The following FRMD4B variants were observed in gnomAD, a reference collection of about 807,000 sequenced individuals.
FRMD4B encodes the protein FERM domain-containing protein 4B.
Under a neutral mutation model 141.5 loss-of-function variants are expected in FRMD4B, and 74 were observed. That is an observed-to-expected ratio of 0.52 (90% CI 0.43 to 0.63). FRMD4B has a LOEUF of 0.63. Ranked by LOEUF, FRMD4B falls within the 30% of genes least tolerant of loss-of-function variation. The probability of loss-of-function intolerance (pLI) is 0.00; values close to 1 mark genes in which losing one functional copy is unlikely to be tolerated. For synonymous variants in FRMD4B, 506 were observed against 467.9 expected, an observed-to-expected ratio of 1.08 and a Z score of -1.05; for missense variants, 1,366 against 1,253.4, an observed-to-expected ratio of 1.09 and a Z score of -1.36.
intron 21 of FRMD4B, among the ~76,000 whole-genome samples, chr3:69,177,869 G>T (rs756996625): frequency 6.6e-6 from 1 of 152,068 alleles, no homozygotes; most frequent in Non-Finnish European, 1.5e-5. Flanking sequence ...AACACTGGCC[G>T]CTAGCAAGAT....
chr3:69,216,430 T>A, intron 10 of FRMD4B, 81 bp from the exon 11 acceptor site: 17 of 117,396 alleles, frequency 1.4e-4, no homozygotes, highest in Non-Finnish European at 3.1e-4. Flanking sequence ...ATTTCACCTC[T>A]TTTTTTTTTT....
intron 3 of FRMD4B, among the ~76,000 whole-genome samples, chr3:69,310,843 T>C (rs1041282447): frequency 6.6e-6 from 1 of 152,044 alleles, no homozygotes; most frequent in Admixed American, 6.6e-5. Context: ...TTAAACTATA[T>C]ACATGTTTTT....
chr3:69,458,027 C>G (rs142443464), intron 1 of FRMD4B, among the ~76,000 whole-genome samples: 1 of 152,332 alleles, frequency 6.6e-6, no homozygotes, highest in Non-Finnish European at 1.5e-5. Context: ...CTTGTTCACT[C>G]TCTCCACTTC....
At chr3:69,185,300 C>CAAAAAAAAAAAAAAAAA (rs1237352393) in intron 19 of FRMD4B, among the ~76,000 whole-genome samples, 1 of 67,936 alleles carries the variant, frequency 1.5e-5, no homozygotes. Context: ...GACTCCGTCT[C>CAAAAAAAAAAAAAAAAA]AAAAAAAAAA....
At chr3:69,222,154 AAT>A (rs200427489) in intron 8 of FRMD4B, among the ~76,000 whole-genome samples, 1 of 151,942 alleles carries the variant, frequency 6.6e-6, no homozygotes, top group Non-Finnish European at 1.5e-5. Context: ...ATATTTATAT[AAT>A]ATATATATTA....
At chr3:69,488,881 A>C (rs889787621) in intron 1 of FRMD4B, among the ~76,000 whole-genome samples, 4 of 126,294 alleles carry the variant, frequency 3.2e-5, no homozygotes, top group African/African-American at 1.2e-4. Context: ...TGACAGAGCG[A>C]GACTCCATCT....
At chr3:69,376,098 A>T (rs1703964389) in intron 1 of FRMD4B, among the ~76,000 whole-genome samples, 1 of 152,198 alleles carries the variant, frequency 6.6e-6, no homozygotes, top group South Asian at 2.1e-4. Flanking sequence ...CACACAAAGA[A>T]TTATATATAT....
intron 1 of FRMD4B, among the ~76,000 whole-genome samples, chr3:69,449,189 C>T (rs1023087640): frequency 2.0e-5 from 3 of 152,160 alleles, no homozygotes; most frequent in African/African-American, 7.2e-5. Flanking sequence ...TGTATTTTAA[C>T]TCTAACATTA....
rs768746806 is a variant in FRMD4B, at chr3:69,193,888, T to C, written c.1489-15A>G. ...AAAGCAGGATCCTGCATTTATACAA[T>C]GATAGTTTTATTTTTATGGACACAT... On this transcript the variant is annotated splice_polypyrimidine_tract_variant and intron_variant, in intron 16 of 22. Transcript: ENST00000398540. 2.7e-6 allele frequency: 4 copies of C among 1,501,588 alleles called. No homozygotes were observed. Among genetic ancestry groups the C allele is most frequent in the East Asian group, 2.3e-5 (1 of 44,374 alleles). 93.0% of individuals were successfully genotyped at this position (1,501,588 alleles called of 1,614,324 possible).
chr3:69,176,424 C>G, intron 22 of FRMD4B, 100 bp downstream of exon 22: 1 of 1,016,308 alleles, frequency 9.8e-7, no homozygotes, highest in Non-Finnish European at 1.5e-6. Flanking sequence ...CTAGAGTTTG[C>G]CAACCCCTGA....
chr3:69,541,663 C>T (rs1008444743), intron 1 of FRMD4B, among the ~76,000 whole-genome samples: 4 of 152,082 alleles, frequency 2.6e-5, no homozygotes, highest in Admixed American at 1.3e-4. Flanking sequence ...TGAAATACTC[C>T]ACAAAATAAG....
intron 4 of FRMD4B, among the ~76,000 whole-genome samples, chr3:69,298,369 C>T (rs1428378183): frequency 6.6e-6 from 1 of 152,260 alleles, no homozygotes; most frequent in African/African-American, 2.4e-5. Flanking sequence ...TGGTTCACCC[C>T]ACTCATCTCT....
chr3:69,538,621 C>G (rs944323786), intron 1 of FRMD4B, among the ~76,000 whole-genome samples: 34 of 152,120 alleles, frequency 2.2e-4, no homozygotes, highest in Non-Finnish European at 3.5e-4. Flanking sequence ...AAAACACTGT[C>G]TTATGAGATT....
At chr3:69,394,351 T>A (rs1022910341) in intron 2 of FRMD4B, among the ~76,000 whole-genome samples, 1 of 152,222 alleles carries the variant, frequency 6.6e-6, no homozygotes, top group Non-Finnish European at 1.5e-5. Context: ...TGGTGTATAG[T>A]TTCAAATACG....
intron 7 of FRMD4B, among the ~76,000 whole-genome samples, chr3:69,241,697 A>G (rs888448320): frequency 3.3e-5 from 5 of 152,124 alleles, no homozygotes; most frequent in African/African-American, 1.2e-4. Context: ...CAGGCGCTTG[A>G]GACCAGTCTG....
rs1383758880 is a variant in FRMD4B at position 69,265,422 on chromosome 3, ATGGCTAGG to A, written c.502-15331_502-15324del. On this transcript the variant is annotated intron_variant, in intron 5 of 22. Transcript: ENST00000398540. The stretch of plus-strand genomic sequence containing the variant: ...TGCACTTTTATTTTTAGATGGCTAG[ATGGCTAGG>A]TGGCACATTTATTTGTCCTTTTTTT... Among the ~76,000 whole-genome samples the A allele has an allele frequency of 3.4e-4, 49 of 144,264 alleles. 2 individuals are homozygous for A. In the South Asian group the frequency reaches 5.4e-3, roughly 16 times the overall value. 94.6% of individuals were successfully genotyped at this position (144,264 alleles called of 152,430 possible).
At chr3:69,247,224 G>A (rs909949716) in intron 7 of FRMD4B, among the ~76,000 whole-genome samples, 1 of 152,134 alleles carries the variant, frequency 6.6e-6, no homozygotes, top group African/African-American at 2.4e-5. Context: ...TTATGGGAAA[G>A]GTACCATTTT....
chr3:69,186,236 T>G (rs1268050966), intron 19 of FRMD4B, among the ~76,000 whole-genome samples: 8 of 140,828 alleles, frequency 5.7e-5, no homozygotes, highest in East Asian at 4.4e-4. Flanking sequence ...TTCTTTTTTT[T>G]TTCTTTTTCC....
intron 1 of FRMD4B, among the ~76,000 whole-genome samples, chr3:69,511,989 G>A (rs1452365907): frequency 6.6e-6 from 1 of 152,198 alleles, no homozygotes; most frequent in Non-Finnish European, 1.5e-5. Flanking sequence ...AGAAAGCAAT[G>A]ATGCTAAGAG....
Sources: allele counts gnomAD v4.1 joint callset (sites outside exome capture counted in the v4.1 genomes callset), GRCh38; gene constraint gnomAD v4.1.1; transcripts MANE v1.5; gene names NCBI Gene and HGNC (gene_info 2026-07-23, HGNC 2026-07-21).